Variants in ADGRB1 observed in about 807,000 individuals in gnomAD.
The protein encoded by ADGRB1 is brain-specific angiogenesis inhibitor 1.
Under a neutral mutation model 175.7 loss-of-function variants are expected in ADGRB1, and 36 were observed. That is an observed-to-expected ratio of 0.20 (90% CI 0.16 to 0.27). The LOEUF (loss-of-function observed/expected upper bound fraction) is 0.27, where lower values mean the gene tolerates loss of function less well. Ranked by LOEUF, ADGRB1 falls within the 10% of genes least tolerant of loss-of-function variation. The probability of loss-of-function intolerance (pLI) is 1.00; values close to 1 mark genes in which losing one functional copy is unlikely to be tolerated. For missense variants in ADGRB1, 1,731 were observed against 2,255.3 expected (o/e 0.77, Z 4.71); for synonymous variants, 1,054 against 979.4 (o/e 1.08, Z -1.42).
At chr8:142,540,695 A>C (rs1041771302) in intron 27 of ADGRB1, among the ~76,000 whole-genome samples, 2 of 150,832 alleles carry the variant, frequency 1.3e-5, no homozygotes, top group Non-Finnish European at 2.9e-5. Context: ...GGAGGTCGGG[A>C]GCCCCAGGGT....
At chr8:142,505,384 G>A (rs185473600) in intron 17 of ADGRB1, among the ~76,000 whole-genome samples, 31 of 152,308 alleles carry the variant, frequency 2.0e-4, no homozygotes. Flanking sequence ...GCCTGTGGGG[G>A]CTGCCCGAGC....
chr8:142,538,826 T>G (rs988014189), intron 26 of ADGRB1, among the ~76,000 whole-genome samples: 4 of 152,114 alleles, frequency 2.6e-5, no homozygotes, highest in African/African-American at 9.7e-5. Flanking sequence ...TGGGGCCCCC[T>G]TGGAGGGATG....
In ADGRB1 at chr8:142,481,341, A is replaced by G; in HGVS notation, c.1916A>G (p.Tyr639Cys). Residue 639 changes from tyrosine (Y) to cysteine (C), a missense_variant, in exon 10 of 31, where the codon TAC (tyrosine) becomes TGC (cysteine). By Grantham distance (194) the Tyr-to-Cys change is radical (BLOSUM62 -2). Transcript: ENST00000517894. The part of the protein sequence containing the change: ...PTYIRCVSID[Y>C]RNIQMMTREH... ...TACATCCGCTGTGTTTCCATTGACT[A>G]CAGAAACATCCAGATGATGGTGAGG... 1 of 1,613,778 alleles carries G rather than the reference A, an allele frequency of 6.2e-7. No individual in the cohort carries two copies.
Position 142,492,543 on chromosome 8 carries a change from G to A in ADGRB1, c.2675+1728G>A, listed in dbSNP as rs1842030707. On this transcript the variant is annotated intron_variant, in intron 17 of 30. Coordinates refer to ENST00000517894, the MANE Select transcript of ADGRB1 (RefSeq NM_001702.3). The surrounding 1 kb of genome is among the most constrained non-coding windows in gnomAD (Gnocchi z 4.4). ...ACAGCTCTGCGTGTGAGTGTCTGGGGATGAGCGTCGCAGGGGAAGGAGCAG... is the reference window on the plus strand; with the variant it reads ...ACAGCTCTGCGTGTGAGTGTCTGGGAATGAGCGTCGCAGGGGAAGGAGCAG... Among the ~76,000 whole-genome samples the A allele has an allele frequency of 6.6e-6, 1 of 152,204 alleles. No homozygotes were observed. Among genetic ancestry groups the A allele is most frequent in the Non-Finnish European group, 1.5e-5 (1 of 68,040 alleles).
chr8:142,531,481 C>G (rs976375107), intron 24 of ADGRB1, among the ~76,000 whole-genome samples: 1 of 152,220 alleles, frequency 6.6e-6, no homozygotes, highest in Non-Finnish European at 1.5e-5. Context: ...GCAGGCTCTC[C>G]AGGGCCAGGG....
intron 2 of ADGRB1, among the ~76,000 whole-genome samples, chr8:142,469,533 ATG>A (rs767645289): frequency 1.1e-4 from 11 of 96,932 alleles, no homozygotes; most frequent in Non-Finnish European, 1.5e-4. Context: ...GCATGTGTGA[ATG>A]TGAGTGTATG....
intron 19 of ADGRB1, among the ~76,000 whole-genome samples, chr8:142,518,665 G>A (rs1843590941): frequency 6.6e-6 from 1 of 152,260 alleles, no homozygotes; most frequent in South Asian, 2.1e-4. Context: ...TCAGCCTGCT[G>A]TCCATTCTGA....
intron 24 of ADGRB1, among the ~76,000 whole-genome samples, chr8:142,530,861 C>T (rs548974729): frequency 4.5e-4 from 69 of 152,312 alleles, no homozygotes; most frequent in Non-Finnish European, 8.4e-4. Context: ...TGCAGCTGGG[C>T]ACTCCTGGCC....
intron 11 of ADGRB1, among the ~76,000 whole-genome samples, chr8:142,483,166 C>T (rs1419971608): frequency 3.4e-5 from 5 of 145,184 alleles, no homozygotes; most frequent in Non-Finnish European, 7.6e-5. Context: ...ACACGCTGAG[C>T]CCTGACCCTG....
In ADGRB1 at chr8:142,493,055, G is replaced by A. The variant is rs1484062790; in HGVS notation, c.2675+2240G>A. Among the ~76,000 whole-genome samples, 2 of 151,980 alleles carry A rather than the reference G, an allele frequency of 1.3e-5. No individual in the cohort carries two copies. Among genetic ancestry groups the A allele is most frequent in the Non-Finnish European group, 2.9e-5 (2 of 67,980 alleles). On this transcript the variant is annotated intron_variant, in intron 17 of 30. Coordinates refer to ENST00000517894, the MANE Select transcript of ADGRB1 (RefSeq NM_001702.3). This position sits in a 1 kb window ranked among gnomAD's most constrained non-coding sequence, Gnocchi z 5.0. Reference sequence around the variant, plus strand: ...CGTGACCAGCGATCTTGCGAGGACAGCTTCACCCGTACTTCTGATTGCTCC... The same window carrying A: ...CGTGACCAGCGATCTTGCGAGGACAACTTCACCCGTACTTCTGATTGCTCC...
intron 1 of ADGRB1, among the ~76,000 whole-genome samples, chr8:142,460,986 C>T (rs867795553): frequency 3.3e-5 from 5 of 152,324 alleles, no homozygotes; most frequent in Admixed American, 6.5e-5. Flanking sequence ...GGGCCTCATA[C>T]CCTAAGAGGG....
chr8:142,456,293 A>G (rs1463420138), intron 1 of ADGRB1, among the ~76,000 whole-genome samples: 1 of 152,044 alleles, frequency 6.6e-6, no homozygotes, highest in African/African-American at 2.4e-5. Flanking sequence ...TGCAGACCCA[A>G]TGCTGGCAAC....
intron 1 of ADGRB1, among the ~76,000 whole-genome samples, chr8:142,463,737 G>A (rs1468976619): frequency 1.3e-5 from 2 of 152,274 alleles, no homozygotes; most frequent in East Asian, 1.9e-4. Flanking sequence ...GGGTGGAGGC[G>A]GAGGTACTTT....
At chr8:142,528,668 C>G (rs1005435899) in intron 24 of ADGRB1, among the ~76,000 whole-genome samples, 1 of 152,022 alleles carries the variant, frequency 6.6e-6, no homozygotes, top group Non-Finnish European at 1.5e-5. Flanking sequence ...TGCCACCTCC[C>G]TCCTAGGCCC....
chr8:142,539,881 G>C (rs1845161258), intron 27 of ADGRB1: 1 of 164,550 alleles, frequency 6.1e-6, no homozygotes, highest in Non-Finnish European at 1.3e-5. Context: ...AGTGAGTGGG[G>C]CTTTCAGGCT....
intron 1 of ADGRB1, among the ~76,000 whole-genome samples, chr8:142,457,993 C>T (rs1839773038): frequency 6.6e-6 from 1 of 152,192 alleles, no homozygotes; most frequent in Admixed American, 6.5e-5. Flanking sequence ...CCGAGGGCGC[C>T]CACCCCGCCC....
chr8:142,519,501 T>G (rs1587397711), intron 19 of ADGRB1, among the ~76,000 whole-genome samples: 1 of 147,438 alleles, frequency 6.8e-6, no homozygotes, highest in South Asian at 2.2e-4. Context: ...GGTGGTGGTG[T>G]TTGTGGTGAT....
chr8:142,523,095 C>T (rs1486633454), intron 22 of ADGRB1, among the ~76,000 whole-genome samples: 1 of 152,222 alleles, frequency 6.6e-6, no homozygotes, highest in Non-Finnish European at 1.5e-5. Flanking sequence ...ACAGTGGGCA[C>T]ACCCCCCACA....
Position 142,543,546 on chromosome 8 carries a change from G to C in ADGRB1, c.4450-55G>C. ...GCCAGGGGACGGGCGGGGCAGGCAG[G>C]ATGGGCCATGCCCTCCTCCTGGCCC... is the stretch of plus-strand genomic sequence containing the variant. On this transcript the variant is annotated intron_variant, in intron 29 of 30. Transcript: ENST00000517894. The surrounding 1 kb of genome is among the most constrained non-coding windows in gnomAD (Gnocchi z 4.4). The C allele has an allele frequency of 3.8e-6, 6 of 1,582,786 alleles. No individual in the cohort carries two copies. Among genetic ancestry groups the C allele is most frequent in the African/African-American group, 1.3e-5 (1 of 74,136 alleles).
Sources: allele counts gnomAD v4.1 joint callset (sites outside exome capture counted in the v4.1 genomes callset), GRCh38; gene constraint gnomAD v4.1.1; non-coding constraint Gnocchi (gnomAD v3.1); transcripts MANE v1.5; gene names NCBI Gene and HGNC (gene_info 2026-07-23, HGNC 2026-07-21).